Variants in SHLD1 observed in about 807,000 individuals in gnomAD.
The protein encoded by SHLD1 is shieldin complex subunit 1.
SHLD1 carries 3 observed loss-of-function variants against 5.5 expected under a neutral mutation model. That is an observed-to-expected ratio of 0.54 (90% CI 0.25 to 1.40). The LOEUF is 1.40. Ranked by LOEUF, SHLD1 falls within the 40% of genes most tolerant of loss-of-function variation. The pLI, the probability that SHLD1 is intolerant of heterozygous loss-of-function variation, is 0.15. For missense variants in SHLD1, 210 were observed against 244.4 expected, an observed-to-expected ratio of 0.86 and a Z score of 0.94; for synonymous variants, 92 against 94.3, an observed-to-expected ratio of 0.98 and a Z score of 0.14.
chr20:5,825,538 C>T (rs2087656179), intron 2 of SHLD1, among the ~76,000 whole-genome samples: 2 of 152,228 alleles, frequency 1.3e-5, no homozygotes, highest in Admixed American at 6.5e-5. Context: ...GCCATGTTGG[C>T]ATGTGGCTGT....
chr20:5,774,741 A>G (rs1376833082), intron 2 of SHLD1, among the ~76,000 whole-genome samples: 1 of 152,186 alleles, frequency 6.6e-6, no homozygotes, highest in Non-Finnish European at 1.5e-5. Flanking sequence ...GAACTGCCCC[A>G]TGAACCAATC....
intron 2 of SHLD1, among the ~76,000 whole-genome samples, chr20:5,812,095 T>C: frequency 6.6e-6 from 1 of 151,456 alleles, no homozygotes; most frequent in East Asian, 1.9e-4. Context: ...TTTTTCTTTT[T>C]TTTTTTGAGG....
At chr20:5,844,124 A>G (rs2087898646) in intron 2 of SHLD1, among the ~76,000 whole-genome samples, 1 of 152,176 alleles carries the variant, frequency 6.6e-6, no homozygotes, top group Non-Finnish European at 1.5e-5. Context: ...AATGGGAGGC[A>G]TGGGTGTTGA....
At chr20:5,844,946 C>T (rs2087915161) in intron 2 of SHLD1, among the ~76,000 whole-genome samples, 1 of 151,462 alleles carries the variant, frequency 6.6e-6, no homozygotes, top group Admixed American at 6.6e-5. Context: ...AGGTGCACGC[C>T]ACCATGCCTG....
intron 2 of SHLD1, among the ~76,000 whole-genome samples, chr20:5,799,841 T>C (rs2087266152): frequency 6.6e-6 from 1 of 152,198 alleles, no homozygotes; most frequent in African/African-American, 2.4e-5. Flanking sequence ...ATCATTGACC[T>C]AAACATGAGA....
intron 1 of SHLD1, among the ~76,000 whole-genome samples, chr20:5,761,252 G>A (rs1210162087): frequency 6.6e-6 from 1 of 152,014 alleles, no homozygotes; most frequent in Non-Finnish European, 1.5e-5. Flanking sequence ...ACTGGGGCCT[G>A]TCAGGGGTTA....
At chr20:5,850,012 C>T (rs564476915) in intron 2 of SHLD1, among the ~76,000 whole-genome samples, 1 of 147,970 alleles carries the variant, frequency 6.8e-6, no homozygotes, top group Admixed American at 6.7e-5. Context: ...AGGGTGATGG[C>T]TTATGCCTGT....
At chr20:5,764,038 A>G (rs1339170562) in intron 1 of SHLD1, among the ~76,000 whole-genome samples, 1 of 147,148 alleles carries the variant, frequency 6.8e-6, no homozygotes, top group Non-Finnish European at 1.5e-5. Flanking sequence ...GAGGCAGGAT[A>G]ATTGCTTAAA....
rs75650509 is a variant in SHLD1 at position 5,778,658 on chromosome 20, G to A, written c.178+5615G>A. 5.3e-3 allele frequency among the ~76,000 whole-genome samples: 802 copies of A among 150,934 alleles called. 10 individuals are homozygous for A. Among genetic ancestry groups the A allele is most frequent in the African/African-American group, 0.018 (758 of 41,102 alleles). ...TCACCCAGAGCTTCCCAAGAACTAA[G>A]TGAGAATGGTATCTTTCAGCCATGA... On this transcript the variant is annotated intron_variant, in intron 2 of 2. Coordinates refer to ENST00000303142, the MANE Select transcript of SHLD1 (RefSeq NM_152504.4).
intron 2 of SHLD1, among the ~76,000 whole-genome samples, chr20:5,785,523 C>G (rs543430084): frequency 6.6e-6 from 1 of 152,268 alleles, no homozygotes; most frequent in Non-Finnish European, 1.5e-5. Context: ...AGGCCAGGCA[C>G]GATGTCTCAC....
chr20:5,836,779 G>C (rs1268479894), intron 2 of SHLD1, among the ~76,000 whole-genome samples: 1 of 152,136 alleles, frequency 6.6e-6, no homozygotes, highest in Non-Finnish European at 1.5e-5. Context: ...CCCATAGCAA[G>C]AGCTTCCAAT....
intron 2 of SHLD1, among the ~76,000 whole-genome samples, chr20:5,780,734 C>T (rs1169400304): frequency 1.3e-5 from 2 of 152,208 alleles, no homozygotes; most frequent in African/African-American, 4.8e-5. Context: ...GGGCTGCCTG[C>T]CTTCCTCCTC....
rs533936473 is a variant in SHLD1, at chr20:5,810,182, G to A, written c.178+37139G>A. 3.0e-4 allele frequency among the ~76,000 whole-genome samples: 46 copies of A among 151,778 alleles called. 1 individual carries two copies. The highest frequency in any genetic ancestry group is 8.3e-4 in the African/African-American group (34 of 41,188). On this transcript the variant is annotated intron_variant, in intron 2 of 2. Coordinates refer to ENST00000303142, the MANE Select transcript of SHLD1 (RefSeq NM_152504.4). ...TGAGGGAGGAGAACTGCTTGAACCC[G>A]GGTGGTGGAGGTTGCAGTGAGCCAA...
chr20:5,803,889 A>T (rs1355647018), intron 2 of SHLD1, among the ~76,000 whole-genome samples: 15 of 128,852 alleles, frequency 1.2e-4, no homozygotes, highest in African/African-American at 4.7e-4. Context: ...AAAAAAGATT[A>T]AAAAAAAAAA....
chr20:5,764,152 T>TA (rs1568490050), intron 1 of SHLD1, among the ~76,000 whole-genome samples: 7 of 70,064 alleles, frequency 1.0e-4, no homozygotes, highest in African/African-American at 2.6e-4. Context: ...ATATATATAT[T>TA]TATATTTATA....
intron 2 of SHLD1, among the ~76,000 whole-genome samples, chr20:5,843,424 C>CT (rs2087891025): frequency 6.6e-6 from 1 of 151,564 alleles, no homozygotes; most frequent in South Asian, 2.1e-4. Context: ...TTACTATAAC[C>CT]TTTTACAAGG....
chr20:5,765,549 C>A (rs1187633175), intron 1 of SHLD1, among the ~76,000 whole-genome samples: 1 of 151,636 alleles, frequency 6.6e-6, no homozygotes, highest in East Asian at 1.9e-4. Context: ...CGCCAGGCCA[C>A]GTAATTAAAT....
At chr20:5,814,039 G>A (rs974675942) in intron 2 of SHLD1, among the ~76,000 whole-genome samples, 3 of 130,386 alleles carry the variant, frequency 2.3e-5, no homozygotes, top group Non-Finnish European at 3.1e-5. Context: ...TGCAAACGCC[G>A]CCTCCCTGGT....
chr20:5,772,926 C>A lies in SHLD1; in HGVS notation c.61C>A (p.Pro21Thr). 1.2e-6 allele frequency: 2 copies of A among 1,614,138 alleles called. No homozygotes were observed. The highest frequency in any genetic ancestry group is 1.7e-6 in the Non-Finnish European group (2 of 1,180,004). The change falls in exon 2 of 3, where the codon CCA becomes ACA. Residue 21 changes from proline (P) to threonine (T), a missense_variant. Physicochemically the swap from Pro to Thr is conservative, Grantham distance 38. Transcript: ENST00000303142. ...LSEESSALDLPSACDIRDYVL... is the reference protein window; with the variant it reads ...LSEESSALDLTSACDIRDYVL... ...AGAGGAGAGCAGTGCTTTGGACCTG[C>A]CATCAGCGTGTGACATAAGAGATTA...
Sources: gnomAD v4.1 joint callset for allele counts (sites outside exome capture counted in the v4.1 genomes callset) on GRCh38, gnomAD v4.1.1 for gene constraint, MANE v1.5 for transcripts, NCBI Gene and HGNC (gene_info 2026-07-23, HGNC 2026-07-21) for gene names.